The following TMEM260 variants were observed in gnomAD, a reference collection of about 807,000 sequenced individuals.
TMEM260 encodes the protein protein O-mannosyl-transferase TMEM260.
In TMEM260, 82 loss-of-function variants were observed where a neutral mutation model predicts 88.9. The observed-to-expected ratio is 0.92, with a 90% CI of 0.77 to 1.11. The LOEUF (loss-of-function observed/expected upper bound fraction) is 1.11, where lower values mean the gene tolerates loss of function less well. Ranked by LOEUF, TMEM260 falls within the 50% of genes least tolerant of loss-of-function variation. The pLI, the probability that TMEM260 is intolerant of heterozygous loss-of-function variation, is 0.00. For synonymous variants in TMEM260, 314 were observed against 309.3 expected, an observed-to-expected ratio of 1.02 and a Z score of -0.16; for missense variants, 902 against 853.4, an observed-to-expected ratio of 1.06 and a Z score of -0.71.
chr14:56,598,515 A>G (rs1256312850), intron 3 of TMEM260, among the ~76,000 whole-genome samples: 1 of 152,224 alleles, frequency 6.6e-6, no homozygotes, highest in African/African-American at 2.4e-5. Flanking sequence ...TCATGAAATC[A>G]TCCCTAATGC....
At position 56,613,910 on chromosome 14, in the gene TMEM260, A is replaced by AAAAAAAAAAAAAAAAAAAAAAT. The variant is rs1465604052; in HGVS notation, c.857+1625_857+1626insAAAAAAAAAAAAAAAAAAAAAT. 9.0e-5 allele frequency: 13 copies of AAAAAAAAAAAAAAAAAAAAAAT among 144,424 alleles called. No homozygotes were observed. The East Asian group carries it at 1.5e-3, about 17-fold the overall frequency. 8.9% of individuals were successfully genotyped at this position (144,424 alleles called of 1,614,324 possible). On this transcript the variant is annotated intron_variant, in intron 7 of 15. Transcript: ENST00000261556. ...CCCGTCTCTGCAAAAAAAAAAAAAAATTTTTTTTTTGAGATGGCGTCTTGC... is the reference window on the plus strand; with the variant it reads ...CCCGTCTCTGCAAAAAAAAAAAAAAAAAAAAAAAAAAAAAAAAAAAATTTTTTTTTTTGAGATGGCGTCTTGC...
Position 56,621,643 on chromosome 14 carries a change from C to T in TMEM260, c.1339C>T (p.Leu447Phe), listed in dbSNP as rs200969741. The change falls in exon 11 of 16, where the codon CTC (leucine) becomes TTC (phenylalanine). Residue 447 changes from leucine (L) to phenylalanine (F), a missense_variant. Physicochemically the swap from Leu to Phe is conservative, Grantham distance 22 (BLOSUM62 0). Coordinates refer to ENST00000261556, the MANE Select transcript of TMEM260 (RefSeq NM_017799.4). ...CAGAGGAGATTTGCCAGGAAATTCTCTCCGTTACATGCATTACTGTGAGGG... is the reference window on the plus strand; with the variant it reads ...CAGAGGAGATTTGCCAGGAAATTCTTTCCGTTACATGCATTACTGTGAGGG... ...LLRGDLPGNSLRYMHYCEGLR... is the reference protein window; with the variant it reads ...LLRGDLPGNSFRYMHYCEGLR... The T allele has an allele frequency of 1.1e-4, 171 of 1,613,302 alleles. 1 individual carries two copies. The highest frequency in any genetic ancestry group is 1.3e-4 in the Non-Finnish European group (153 of 1,179,710).
intron 3 of TMEM260, among the ~76,000 whole-genome samples, chr14:56,596,794 A>AAAATATAT (rs59623466): frequency 7.3e-6 from 1 of 136,296 alleles, no homozygotes; most frequent in African/African-American, 2.8e-5. Context: ...TAAAAAAAAA[A>AAAATATAT]ATATATATAT....
intron 6 of TMEM260, among the ~76,000 whole-genome samples, chr14:56,611,384 A>G (rs917455180): frequency 1.1e-4 from 17 of 152,206 alleles, no homozygotes; most frequent in Non-Finnish European, 2.2e-4. Context: ...GAAATGATAC[A>G]TTGTACATTT....
rs1425501299 is a variant in TMEM260, at chr14:56,648,558, T to TA, written c.*1062dup. On this transcript the variant is annotated 3_prime_UTR_variant, in exon 16 of 16. Transcript: ENST00000261556. ...ATGCTCACTAATGAAGAGGGAGGGC[T>TA]AGAAGCTTGTCTGCATTCAAAGATC... 2.6e-5 allele frequency: 4 copies of TA among 152,564 alleles called. No homozygotes were observed. Among genetic ancestry groups the TA allele is most frequent in the Admixed American group, 1.3e-4 (2 of 15,270 alleles). 9.5% of individuals were successfully genotyped at this position (152,564 alleles called of 1,614,324 possible).
intron 3 of TMEM260, among the ~76,000 whole-genome samples, chr14:56,593,848 C>T (rs1015828381): frequency 8.6e-5 from 13 of 150,824 alleles, no homozygotes; most frequent in East Asian, 1.9e-4. Flanking sequence ...CCACCGCGCC[C>T]GGCTAATTTT....
At chr14:56,643,354 C>T (rs573818389) in intron 15 of TMEM260, among the ~76,000 whole-genome samples, 80 of 152,304 alleles carry the variant, frequency 5.3e-4, no homozygotes, top group Non-Finnish European at 1.1e-3. Context: ...GCTGGTTCAA[C>T]ATACGCAAAT....
chr14:56,657,086 C>T, the TMEM260 span, among the ~76,000 whole-genome samples: 1 of 152,126 alleles, frequency 6.6e-6, no homozygotes, highest in African/African-American at 2.4e-5. Context: ...CCCCTGCATT[C>T]TACCCCCCAG....
chr14:56,605,424 A>G (rs1436231943), intron 4 of TMEM260, 146 bp from the exon 5 acceptor site: 4 of 416,328 alleles, frequency 9.6e-6, no homozygotes, highest in African/African-American at 2.1e-5. Context: ...ATGAATGATT[A>G]TTAAAATAAC....
chr14:56,627,931 C>T (rs997801776), intron 12 of TMEM260, among the ~76,000 whole-genome samples: 1 of 152,190 alleles, frequency 6.6e-6, no homozygotes, highest in Non-Finnish European at 1.5e-5. Flanking sequence ...AGGCCTAACC[C>T]TGGCAACCAC....
chr14:56,640,204 G>T (rs1053540743), intron 15 of TMEM260, among the ~76,000 whole-genome samples: 29 of 152,194 alleles, frequency 1.9e-4, no homozygotes, highest in Non-Finnish European at 2.6e-4. Context: ...CTCCTCAAGT[G>T]GGTCCCTGAC....
chr14:56,585,008 G>T lies in TMEM260; in HGVS notation c.168G>T (p.Leu56=), dbSNP rs748315243. 5 of 1,611,966 alleles carry T rather than the reference G, an allele frequency of 3.1e-6. No individual in the cohort carries two copies. The African/African-American group carries it at 5.3e-5, about 17-fold the overall frequency. The change falls in exon 2 of 16, where the codon CTG becomes CTT. Residue 56 remains leucine (L), a synonymous_variant. Coordinates refer to ENST00000261556, the MANE Select transcript of TMEM260 (RefSeq NM_017799.4). ...PSVPGGDSGE[L]ITAAHELGVA... ...TACATTATTTTTTCACAGGGGAACT[G>T]ATCACAGCCGCACATGAGCTTGGAG...
chr14:56,647,233 T>C lies in TMEM260; in HGVS notation c.1870-10T>C. On this transcript the variant is annotated splice_polypyrimidine_tract_variant and intron_variant, in intron 15 of 15. Transcript: ENST00000261556. ...AACAATGGAATACCAACATTTCTGC[T>C]GTTTTCTAGCTTTATAAGGAGATTG... 6.3e-7 allele frequency: 1 copy of C among 1,587,976 alleles called. No homozygotes were observed. The highest frequency in any genetic ancestry group is 8.6e-7 in the Non-Finnish European group (1 of 1,166,010).
In TMEM260 at chr14:56,616,030, A is replaced by G. The variant is rs1887575274; in HGVS notation, c.941+3A>G. 1 of 1,594,556 alleles carries G rather than the reference A, an allele frequency of 6.3e-7. No individual in the cohort carries two copies. The highest frequency in any genetic ancestry group is 8.6e-7 in the Non-Finnish European group (1 of 1,163,246). ...GCAAATATATGTTTAGCAACAAAGT[A>G]AGTAATACAATTCCTTTTTCTGTTA... On this transcript the variant is annotated splice_donor_region_variant and intron_variant, in intron 8 of 15. Coordinates refer to ENST00000261556, the MANE Select transcript of TMEM260 (RefSeq NM_017799.4).
intron 15 of TMEM260, among the ~76,000 whole-genome samples, chr14:56,641,923 A>C (rs1212110985): frequency 2.0e-5 from 3 of 152,254 alleles, no homozygotes; most frequent in Non-Finnish European, 4.4e-5. Flanking sequence ...GAAGGCCATT[A>C]CATAATAGTA....
chr14:56,621,503 T>C (rs1369915824), intron 10 of TMEM260, 28 bp from the exon 11 acceptor site: 1 of 1,564,774 alleles, frequency 6.4e-7, no homozygotes, highest in Non-Finnish European at 8.7e-7. Flanking sequence ...GTGTTGCTAT[T>C]TTAATTTTTT....
intron 11 of TMEM260, among the ~76,000 whole-genome samples, chr14:56,624,420 A>G (rs1888113986): frequency 6.6e-6 from 1 of 152,118 alleles, no homozygotes. Flanking sequence ...TCAAAAATAC[A>G]AAAATTATTC....
chr14:56,611,125 CCCGGCTAATTT>C (rs1887245844), intron 6 of TMEM260, among the ~76,000 whole-genome samples: 1 of 151,936 alleles, frequency 6.6e-6, no homozygotes, highest in African/African-American at 2.4e-5. Context: ...CACCACCATG[CCCGGCTAATTT>C]TTTGTGTTTT....
chr14:56,635,077 A>T, intron 14 of TMEM260, 125 bp downstream of exon 14: 1 of 823,424 alleles, frequency 1.2e-6, no homozygotes, highest in African/African-American at 1.7e-5. Flanking sequence ...ATGAGCAATT[A>T]TGTTTTTGAG....
Sources: allele counts gnomAD v4.1 joint callset (sites outside exome capture counted in the v4.1 genomes callset), GRCh38; gene constraint gnomAD v4.1.1; transcripts MANE v1.5; gene names NCBI Gene and HGNC (gene_info 2026-07-23, HGNC 2026-07-21).